Variants in HIF1A observed in about 807,000 individuals in gnomAD.
HIF1A encodes the protein hypoxia inducible factor 1 subunit alpha, also known as hypoxia-inducible factor 1-alpha.
In HIF1A, 24 loss-of-function variants were observed where a neutral mutation model predicts 92.7. The observed-to-expected ratio is 0.26, with a 90% confidence interval of 0.19 to 0.36. The LOEUF (loss-of-function observed/expected upper bound fraction) is 0.36. HIF1A is among the 10% of genes least tolerant of loss of function. The probability of loss-of-function intolerance (pLI) is 1.00; values close to 1 mark genes in which losing one functional copy is unlikely to be tolerated. For synonymous variants in HIF1A, 319 were observed against 338.7 expected (o/e 0.94, Z 0.64); for missense variants, 799 against 998.5 (o/e 0.80, Z 2.69).
chr14:61,721,130 A>T (rs1231632781), intron 2 of HIF1A, among the ~76,000 whole-genome samples: 2 of 152,140 alleles, frequency 1.3e-5, no homozygotes, highest in African/African-American at 4.8e-5. Context: ...AATCTCAGCT[A>T]CTAGGGAGGC....
At chr14:61,746,721 T>C (rs2044797461) in intron 14 of HIF1A, among the ~76,000 whole-genome samples, 1 of 152,202 alleles carries the variant, frequency 6.6e-6, no homozygotes, top group African/African-American at 2.4e-5. Context: ...GTTATTTCTT[T>C]GTGCCTTTAT....
In HIF1A at chr14:61,741,155, G is replaced by A. The variant is rs370017457; in HGVS notation, c.2060G>A (p.Ser687Asn). The A allele has an allele frequency of 9.3e-5, 150 of 1,609,440 alleles. No individual in the cohort carries two copies. The highest frequency in any genetic ancestry group is 1.2e-4 in the Non-Finnish European group (142 of 1,178,704). The change falls in exon 12 of 15, where the codon AGC (serine) becomes AAC (asparagine). Residue 687 changes from serine to asparagine, a missense_variant. This residue lies in a region of HIF1A where 283 missense variants were observed against 277.5 expected (regional missense o/e 1.02). Transcript: ENST00000337138. ...IEQTEKSHPR[S>N]PNVLSVALSQ... ...CAGACAGAAAAATCTCATCCAAGAA[G>A]CCCTAACGTGTTATCTGTCGCTTTG... is the stretch of plus-strand genomic sequence containing the variant.
At chr14:61,714,919 A>C (rs753868482) in intron 1 of HIF1A, among the ~76,000 whole-genome samples, 46 of 152,106 alleles carry the variant, frequency 3.0e-4, no homozygotes, top group Non-Finnish European at 4.7e-4. Flanking sequence ...CTGTAATCCC[A>C]GCTACTCGGG....
At chr14:61,727,413 T>G (rs41467354) in intron 5 of HIF1A, 40 bp from the exon 6 acceptor site, 1 of 1,460,636 alleles carries the variant, frequency 6.8e-7, no homozygotes, top group South Asian at 1.1e-5. Flanking sequence ...TCCCTAGCAT[T>G]GTAAATATTT....
At chr14:61,723,147 C>T (rs982161721) in intron 4 of HIF1A, among the ~76,000 whole-genome samples, 2 of 152,208 alleles carry the variant, frequency 1.3e-5, no homozygotes, top group Non-Finnish European at 2.9e-5. Flanking sequence ...TATTATAAAA[C>T]CTCAAATTTA....
chr14:61,716,662 GAAC>G (rs1234768915), intron 1 of HIF1A, among the ~76,000 whole-genome samples: 4 of 151,766 alleles, frequency 2.6e-5, no homozygotes, highest in African/African-American at 4.8e-5. Flanking sequence ...TTAATCTGAA[GAAC>G]AATAGACATT....
chr14:61,708,103 G>A (rs149391746), intron 1 of HIF1A, among the ~76,000 whole-genome samples: 3 of 152,156 alleles, frequency 2.0e-5, no homozygotes, highest in Non-Finnish European at 2.9e-5. Context: ...CATAAATGTC[G>A]TCTTTTGAGA....
rs115652495 is a variant in HIF1A at position 61,725,914 on chromosome 14, C to T, written c.458-792C>T. On this transcript the variant is annotated intron_variant, in intron 4 of 14. Coordinates refer to ENST00000337138, the MANE Select transcript of HIF1A (RefSeq NM_001530.4). Reference sequence around the variant, plus strand: ...AGCTCACTGCAACCTCTGCCTCCCACGTTCGAGTGATTCCCCTGCCTCAGT... The same window carrying T: ...AGCTCACTGCAACCTCTGCCTCCCATGTTCGAGTGATTCCCCTGCCTCAGT... Among the ~76,000 whole-genome samples the T allele has an allele frequency of 3.6e-4, 54 of 151,552 alleles. No individual in the cohort carries two copies. In the East Asian group the frequency reaches 6.1e-3, roughly 17 times the overall value.
intron 14 of HIF1A, among the ~76,000 whole-genome samples, chr14:61,746,325 T>G (rs538942556): frequency 1.3e-5 from 2 of 151,904 alleles, no homozygotes; most frequent in South Asian, 4.1e-4. Context: ...GTAATTTTCT[T>G]TGATTTCTCT....
intron 1 of HIF1A, among the ~76,000 whole-genome samples, chr14:61,699,468 T>G (rs1280914462): frequency 6.6e-6 from 1 of 151,906 alleles, no homozygotes; most frequent in Non-Finnish European, 1.5e-5. Flanking sequence ...GATTTTTTTT[T>G]TTTTTCTGAA....
intron 14 of HIF1A, 99 bp from the exon 15 acceptor site, chr14:61,746,835 T>G (rs10147275): frequency 0.84 from 795,376 of 944,812 alleles, 336,768 homozygotes; most frequent in Admixed American, 0.87. Context: ...CCTTCCAGAA[T>G]TTTGCTTTAT....
At chr14:61,702,539 C>T (rs938529460) in intron 1 of HIF1A, among the ~76,000 whole-genome samples, 1 of 150,758 alleles carries the variant, frequency 6.6e-6, no homozygotes, top group Non-Finnish European at 1.5e-5. Flanking sequence ...TCTCCTTTGA[C>T]TTTTTTTGAT....
At chr14:61,738,426 A>G (rs2044665735) in intron 10 of HIF1A, 53 bp downstream of exon 10, 1 of 1,405,190 alleles carries the variant, frequency 7.1e-7, no homozygotes. Context: ...TTAACATTCA[A>G]GAATGTATTT....
At chr14:61,702,821 A>G (rs967040869) in intron 1 of HIF1A, among the ~76,000 whole-genome samples, 6 of 152,190 alleles carry the variant, frequency 3.9e-5, no homozygotes, top group African/African-American at 1.4e-4. Flanking sequence ...ATTGTCTACT[A>G]TTTCTCAATT....
intron 1 of HIF1A, among the ~76,000 whole-genome samples, chr14:61,702,440 A>C (rs1247574064): frequency 3.7e-5 from 5 of 135,792 alleles, no homozygotes; most frequent in Non-Finnish European, 6.3e-5. Context: ...TGCTGTCTCC[A>C]AAAAAAAAAA....
intron 1 of HIF1A, among the ~76,000 whole-genome samples, chr14:61,717,752 A>G (rs1323610286): frequency 1.3e-5 from 2 of 152,092 alleles, no homozygotes; most frequent in African/African-American, 4.8e-5. Flanking sequence ...TTAAAAGCAT[A>G]TACTCGCGCC....
intron 1 of HIF1A, among the ~76,000 whole-genome samples, chr14:61,705,559 AT>A (rs2044229906): frequency 6.6e-6 from 1 of 152,192 alleles, no homozygotes; most frequent in Admixed American, 6.5e-5. Flanking sequence ...TTCTTAAAAA[AT>A]AGTCCCAAAT....
intron 5 of HIF1A, 42 bp from the exon 6 acceptor site, chr14:61,727,407 TAGCA>T (rs1387819640): frequency 7.1e-7 from 1 of 1,417,036 alleles, no homozygotes; most frequent in Admixed American, 1.7e-5. Context: ...TTTTTTTCCC[TAGCA>T]TTGTAAATAT....
intron 4 of HIF1A, among the ~76,000 whole-genome samples, chr14:61,723,490 C>T (rs554272523): frequency 5.1e-4 from 77 of 152,064 alleles, no homozygotes; most frequent in African/African-American, 1.8e-3. Flanking sequence ...CACATTCTGT[C>T]TTTTTTCACT....
Sources: gnomAD v4.1 joint callset for allele counts (sites outside exome capture counted in the v4.1 genomes callset) on GRCh38, gnomAD v4.1.1 for gene constraint, gnomAD v4.1.1 regional missense constraint, MANE v1.5 for transcripts, NCBI Gene and HGNC (gene_info 2026-07-23, HGNC 2026-07-21) for gene names.